Variants in PIK3C2G observed in about 807,000 individuals in gnomAD.
PIK3C2G encodes the protein phosphatidylinositol-4-phosphate 3-kinase catalytic subunit type 2 gamma.
A neutral mutation model predicts 181.1 loss-of-function variants in PIK3C2G; 168 were observed. The ratio of observed to expected loss-of-function variants is 0.93; its 90% CI spans 0.82 to 1.05. PIK3C2G has a LOEUF of 1.05. PIK3C2G is among the 50% of genes least tolerant of loss of function. The probability of loss-of-function intolerance (pLI) is 0.00; values close to 1 mark genes in which losing one functional copy is unlikely to be tolerated. For missense variants in PIK3C2G, 1,869 were observed against 1,732.8 expected, an observed-to-expected ratio of 1.08 and a Z score of -1.40; for synonymous variants, 573 against 592.2, an observed-to-expected ratio of 0.97 and a Z score of 0.47.
At chr12:18,706,571 T>G in the PIK3C2G span, among the ~76,000 whole-genome samples, 1 of 152,190 alleles carries the variant, frequency 6.6e-6, no homozygotes, top group Non-Finnish European at 1.5e-5. Flanking sequence ...TTTTCTGCCC[T>G]TTCTCATTGC....
At chr12:18,256,658 G>T (rs1440001948), upstream of PIK3C2G, among the ~76,000 whole-genome samples, 1 of 152,020 alleles carries the variant, frequency 6.6e-6, no homozygotes, top group East Asian at 1.9e-4. Flanking sequence ...GTTCACAGAG[G>T]TTACGTGTTC....
the PIK3C2G span, among the ~76,000 whole-genome samples, chr12:18,697,066 T>C: frequency 1.3e-5 from 2 of 152,252 alleles, no homozygotes; most frequent in South Asian, 2.1e-4. Flanking sequence ...TGGCACCTTC[T>C]TCAAATTTTT....
At chr12:18,694,142 A>T in the PIK3C2G span, 1 of 806,240 alleles carries the variant, frequency 1.2e-6, no homozygotes, top group African/African-American at 1.7e-5. Flanking sequence ...GTGATTTCTC[A>T]GTCCCTGAAA....
At chr12:18,566,316 G>A (rs762732832) in intron 28 of PIK3C2G, among the ~76,000 whole-genome samples, 2 of 152,116 alleles carry the variant, frequency 1.3e-5, no homozygotes, top group Non-Finnish European at 2.9e-5. Context: ...AGGCTGCTAG[G>A]TAGTTCCTAA....
At chr12:18,461,066 A>G (rs984355255) in intron 18 of PIK3C2G, among the ~76,000 whole-genome samples, 36 of 152,192 alleles carry the variant, frequency 2.4e-4, no homozygotes, top group African/African-American at 8.4e-4. Context: ...TCAAAACTGT[A>G]TGTTTATGTG....
intron 18 of PIK3C2G, among the ~76,000 whole-genome samples, chr12:18,474,213 G>A (rs1397048645): frequency 6.6e-6 from 1 of 152,130 alleles, no homozygotes; most frequent in Non-Finnish European, 1.5e-5. Context: ...TTGAGATTCA[G>A]AGAAGTTAAG....
intron 16 of PIK3C2G, among the ~76,000 whole-genome samples, chr12:18,416,749 TTACTACTCATTGACAATG>T (rs1297211198): frequency 2.6e-5 from 4 of 152,188 alleles, no homozygotes; most frequent in Non-Finnish European, 5.9e-5. Flanking sequence ...TTTCAAAATA[TTACTACTCATTGACAATG>T]CACCCAGTCA....
intron 14 of PIK3C2G, among the ~76,000 whole-genome samples, chr12:18,386,068 C>T (rs1314347366): frequency 1.3e-5 from 2 of 152,086 alleles, no homozygotes; most frequent in Non-Finnish European, 2.9e-5. Context: ...CTTTCTCCCT[C>T]CTCCTTCCAC....
chr12:18,623,859 C>T (rs557885467), intron 31 of PIK3C2G, among the ~76,000 whole-genome samples: 27 of 151,798 alleles, frequency 1.8e-4, no homozygotes, highest in African/African-American at 6.3e-4. Flanking sequence ...TAGAGAATTG[C>T]TACTGATTTT....
intron 15 of PIK3C2G, 91 bp downstream of exon 15, chr12:18,391,343 T>C (rs748793493): frequency 1.0e-4 from 92 of 918,090 alleles, no homozygotes; most frequent in Non-Finnish European, 1.2e-4. Flanking sequence ...AAAGAGTGAG[T>C]GTTCCTTCCT....
chr12:18,317,409 G>A (rs889154311), intron 6 of PIK3C2G, among the ~76,000 whole-genome samples: 1 of 152,048 alleles, frequency 6.6e-6, no homozygotes, highest in Non-Finnish European at 1.5e-5. Context: ...TCCAGGAACT[G>A]GGATAAGTAC....
At chr12:18,431,646 C>A (rs73342930) in intron 18 of PIK3C2G, among the ~76,000 whole-genome samples, 7,382 of 152,196 alleles carry the variant, frequency 0.049, 423 homozygotes, top group African/African-American at 0.14. Flanking sequence ...GGAGGTCTTG[C>A]AGAGCAATAC....
intron 32 of PIK3C2G, among the ~76,000 whole-genome samples, chr12:18,645,024 T>C (rs1472473847): frequency 6.6e-6 from 1 of 152,198 alleles, no homozygotes; most frequent in Non-Finnish European, 1.5e-5. Context: ...TGTTTTCTAT[T>C]AGACGTAATA....
chr12:18,453,939 C>G (rs996198156), intron 18 of PIK3C2G, among the ~76,000 whole-genome samples: 10 of 152,144 alleles, frequency 6.6e-5, no homozygotes, highest in African/African-American at 2.4e-4. Flanking sequence ...AATTCCACCC[C>G]TCTGCTTAGC....
rs1949275865 is a variant in PIK3C2G, at chr12:18,282,757, G to C, written c.676G>C (p.Glu226Gln). 1.3e-6 allele frequency: 2 copies of C among 1,578,908 alleles called. No homozygotes were observed. Among genetic ancestry groups the C allele is most frequent in the Non-Finnish European group, 1.7e-6 (2 of 1,158,772 alleles). ...GGAAAGTACATGGCAGAAGAATATA[G>C]AGGTAAGTATAATACATGTCAATGT... ...MWESTWQKNI[E>Q]SIGCSIQLVE... Residue 226 changes from glutamate to glutamine, a missense_variant and splice_region_variant, in exon 2 of 33, where the codon GAG becomes CAG. Physicochemically the swap from Glu to Gln is conservative, Grantham distance 29. Coordinates refer to ENST00000538779, the MANE Select transcript of PIK3C2G (RefSeq NM_001288772.2).
At chr12:18,667,710 A>T in the PIK3C2G span, among the ~76,000 whole-genome samples, 1 of 152,194 alleles carries the variant, frequency 6.6e-6, no homozygotes, top group Non-Finnish European at 1.5e-5. Context: ...TTATCATAAA[A>T]GTCTATGAAA....
the PIK3C2G span, among the ~76,000 whole-genome samples, chr12:18,671,486 A>G: frequency 0.39 from 59,720 of 151,956 alleles, 14,270 homozygotes; most frequent in South Asian, 0.6. Flanking sequence ...ATCACACATG[A>G]GATCAGCACT....
intron 24 of PIK3C2G, among the ~76,000 whole-genome samples, chr12:18,520,099 T>C (rs1220519733): frequency 6.6e-6 from 1 of 151,932 alleles, no homozygotes; most frequent in East Asian, 1.9e-4. Flanking sequence ...GTTAGTCTGA[T>C]GGGCTTACCT....
chr12:18,433,302 C>G (rs761385243), intron 18 of PIK3C2G, among the ~76,000 whole-genome samples: 2 of 151,972 alleles, frequency 1.3e-5, no homozygotes, highest in Non-Finnish European at 2.9e-5. Flanking sequence ...GTCATGAGAT[C>G]AGGAGTTTCA....
Sources: gnomAD v4.1 joint callset for allele counts (sites outside exome capture counted in the v4.1 genomes callset) on GRCh38, gnomAD v4.1.1 for gene constraint, MANE v1.5 for transcripts, NCBI Gene and HGNC (gene_info 2026-07-23, HGNC 2026-07-21) for gene names.